The following STK3 variants were observed in gnomAD, a reference collection of about 807,000 sequenced individuals.
STK3 encodes the protein serine/threonine kinase 3.
A neutral mutation model predicts 58.0 loss-of-function variants in STK3; 41 were observed. The ratio of observed to expected loss-of-function variants is 0.71; its 90% CI spans 0.55 to 0.92. The LOEUF (loss-of-function observed/expected upper bound fraction) is 0.92. Among genes scored for constraint, STK3 ranks in the 40% least tolerant of loss-of-function variants. The pLI, the probability that STK3 is intolerant of heterozygous loss-of-function variation, is 0.00. For missense variants in STK3, 479 were observed against 602.7 expected (o/e 0.79, Z 2.15); for synonymous variants, 170 against 191.0 (o/e 0.89, Z 0.91).
chr8:98,585,037 C>G (rs1419340654), intron 7 of STK3, among the ~76,000 whole-genome samples: 1 of 148,548 alleles, frequency 6.7e-6, no homozygotes, highest in East Asian at 2.0e-4. Context: ...TTCTCCCATT[C>G]TGTAGGTTGC....
intron 9 of STK3, 27 bp from the exon 10 acceptor site, chr8:98,526,944 G>A (rs1390515836): frequency 1.4e-6 from 2 of 1,468,836 alleles, no homozygotes; most frequent in Middle Eastern, 1.8e-4. Context: ...ACATAAGGAA[G>A]GTATAAGTTC....
chr8:98,563,628 C>T (rs943986951), intron 8 of STK3, among the ~76,000 whole-genome samples: 40 of 151,916 alleles, frequency 2.6e-4, no homozygotes, highest in African/African-American at 9.7e-4. Flanking sequence ...AGGAAATATA[C>T]AAGATGAGCC....
intron 3 of STK3, among the ~76,000 whole-genome samples, chr8:98,755,797 T>C (rs1226826257): frequency 6.6e-6 from 1 of 152,144 alleles, no homozygotes; most frequent in Non-Finnish European, 1.5e-5. Flanking sequence ...TAGGTACCAA[T>C]CTGTCTCGCT....
At chr8:98,396,177 C>A (rs1817895670) in intron 3 of STK3, among the ~76,000 whole-genome samples, 1 of 152,158 alleles carries the variant, frequency 6.6e-6, no homozygotes, top group South Asian at 2.1e-4. Context: ...TTAATAAAGA[C>A]AAGGATTATA....
intron 6 of STK3, among the ~76,000 whole-genome samples, chr8:98,625,209 T>A (rs1818625007): frequency 6.6e-6 from 1 of 152,164 alleles, no homozygotes; most frequent in Non-Finnish European, 1.5e-5. Flanking sequence ...CTGTGAGCCT[T>A]ACTGCTATTT....
chr8:98,855,851 T>C (rs1463108590), intron 3 of STK3, among the ~76,000 whole-genome samples: 1 of 151,910 alleles, frequency 6.6e-6, no homozygotes, highest in Admixed American at 6.6e-5. Context: ...TGAAACCCCA[T>C]CTCTATTGAA....
intron 3 of STK3, among the ~76,000 whole-genome samples, chr8:98,836,393 C>G (rs543173806): frequency 6.6e-6 from 1 of 152,318 alleles, no homozygotes; most frequent in Non-Finnish European, 1.5e-5. Context: ...TTGTAAGGGA[C>G]AAATTCCATT....
At chr8:98,817,643 C>T (rs979883804) in intron 1 of STK3, among the ~76,000 whole-genome samples, 2 of 152,030 alleles carry the variant, frequency 1.3e-5, no homozygotes, top group African/African-American at 4.8e-5. Context: ...CAAGTTGTTT[C>T]AATTCAAAAC....
upstream of STK3, among the ~76,000 whole-genome samples, chr8:98,391,172 T>C (rs1025425206): frequency 9.2e-5 from 14 of 152,214 alleles, no homozygotes; most frequent in Non-Finnish European, 1.8e-4. Context: ...CTATGAAGGA[T>C]GTTGCTATTT....
At chr8:98,871,555 T>TA (rs1837381459) in intron 3 of STK3, among the ~76,000 whole-genome samples, 1 of 152,216 alleles carries the variant, frequency 6.6e-6, no homozygotes, top group Non-Finnish European at 1.5e-5. Flanking sequence ...AAGAGGTCCT[T>TA]CATGTCCCTT....
At chr8:98,818,096 C>G (rs1314466110) in intron 1 of STK3, among the ~76,000 whole-genome samples, 3 of 152,200 alleles carry the variant, frequency 2.0e-5, no homozygotes, top group Admixed American at 6.5e-5. Flanking sequence ...AGCTTTCCCC[C>G]CTGCCTGGAA....
chr8:98,574,109 C>T (rs755810667), intron 8 of STK3, among the ~76,000 whole-genome samples: 2 of 151,968 alleles, frequency 1.3e-5, no homozygotes, highest in Non-Finnish European at 2.9e-5. Flanking sequence ...GGGCCACAGC[C>T]AAACCATATC....
upstream of STK3, among the ~76,000 whole-genome samples, chr8:98,825,961 C>T (rs936352547): frequency 1.3e-5 from 2 of 149,054 alleles, no homozygotes; most frequent in African/African-American, 2.4e-5. Context: ...CTGCCGCGGC[C>T]TGGGTTGGCG....
downstream of STK3, among the ~76,000 whole-genome samples, chr8:98,370,661 CA>C (rs1817601583): frequency 2.0e-5 from 3 of 152,116 alleles, no homozygotes; most frequent in Admixed American, 2.0e-4. Context: ...CTCAGGGGCC[CA>C]CATCATCCAG....
downstream of STK3, among the ~76,000 whole-genome samples, chr8:98,397,136 C>G (rs1563592025): frequency 6.6e-6 from 1 of 152,192 alleles, no homozygotes; most frequent in African/African-American, 2.4e-5. Flanking sequence ...CAGTAGTGTT[C>G]TGAGTTTTAC....
intron 4 of STK3, among the ~76,000 whole-genome samples, chr8:98,717,974 G>A (rs1256587398): frequency 6.6e-6 from 1 of 152,126 alleles, no homozygotes; most frequent in East Asian, 1.9e-4. Context: ...GTATGATCCT[G>A]CTTATATGAA....
intron 4 of STK3, among the ~76,000 whole-genome samples, chr8:98,735,477 G>A (rs893222034): frequency 1.3e-5 from 2 of 152,136 alleles, no homozygotes; most frequent in Non-Finnish European, 2.9e-5. Context: ...AGCTGTGTTT[G>A]TGAGTCTGAT....
At chr8:98,824,670 A>G (rs1374280118) in intron 1 of STK3, among the ~76,000 whole-genome samples, 1 of 152,172 alleles carries the variant, frequency 6.6e-6, no homozygotes, top group African/African-American at 2.4e-5. Context: ...TAGTCACACA[A>G]TTCACAATAG....
At chr8:98,712,968 G>C (rs1826636616) in intron 4 of STK3, among the ~76,000 whole-genome samples, 1 of 152,144 alleles carries the variant, frequency 6.6e-6, no homozygotes, top group Admixed American at 6.5e-5. Flanking sequence ...CTAGAACTCA[G>C]GATTAAGAAA....
Sources: allele counts gnomAD v4.1 joint callset (sites outside exome capture counted in the v4.1 genomes callset), GRCh38; gene constraint gnomAD v4.1.1; transcripts MANE v1.5; gene names NCBI Gene and HGNC (gene_info 2026-07-23, HGNC 2026-07-21).